GALNTL6: variants seen among roughly 807,000 people sequenced by gnomAD.
GALNTL6 encodes polypeptide N-acetylgalactosaminyltransferase like 6, also known as polypeptide N-acetylgalactosaminyltransferase-like 6.
A neutral mutation model predicts 73.7 loss-of-function variants in GALNTL6; 46 were observed. That is an observed-to-expected ratio of 0.62 (90% CI 0.49 to 0.80). The LOEUF is 0.80. Among genes scored for constraint, GALNTL6 ranks in the 30% least tolerant of loss-of-function variants. The pLI is 0.00. For missense variants in GALNTL6, 604 were observed against 755.0 expected, an observed-to-expected ratio of 0.80 and a Z score of 2.34; for synonymous variants, 259 against 263.7, an observed-to-expected ratio of 0.98 and a Z score of 0.17.
At chr4:172,346,291 C>G (rs911100332) in intron 4 of GALNTL6, among the ~76,000 whole-genome samples, 3 of 152,208 alleles carry the variant, frequency 2.0e-5, no homozygotes, top group South Asian at 2.1e-4. Context: ...TTTGACGTCT[C>G]AACAGTACAT....
intron 3 of GALNTL6, among the ~76,000 whole-genome samples, chr4:172,308,493 GAGGTATGTCCCTT>G (rs1457002328): frequency 6.6e-6 from 1 of 152,008 alleles, no homozygotes; most frequent in Non-Finnish European, 1.5e-5. Context: ...TTATTACCTT[GAGGTATGTCCCTT>G]CTATGCCAAT....
At chr4:172,145,031 C>T (rs750048229) in intron 2 of GALNTL6, among the ~76,000 whole-genome samples, 7 of 152,138 alleles carry the variant, frequency 4.6e-5, no homozygotes, top group Non-Finnish European at 8.8e-5. Context: ...GATCATGGCT[C>T]ACTGCAGTCT....
intron 12 of GALNTL6, among the ~76,000 whole-genome samples, chr4:173,022,537 A>AT (rs1333321773): frequency 1.3e-5 from 2 of 152,170 alleles, no homozygotes; most frequent in Non-Finnish European, 1.5e-5. Context: ...GCATCCATTC[A>AT]TTTTTTATGT....
chr4:172,872,263 C>T lies in GALNTL6; in HGVS notation c.924-10527C>T, dbSNP rs570128853. The stretch of plus-strand genomic sequence containing the variant: ...GGAAGCAATTATGTGATCGTCAGGG[C>T]GGGGGAGAAACTAATTTTTTTCCTC... On this transcript the variant is annotated intron_variant, in intron 7 of 12. Coordinates refer to ENST00000506823, the MANE Select transcript of GALNTL6 (RefSeq NM_001034845.3). Among the ~76,000 whole-genome samples, 66 of 152,156 alleles carry T rather than the reference C, an allele frequency of 4.3e-4. 1 individual carries two copies. Among genetic ancestry groups the T allele is most frequent in the Non-Finnish European group, 8.2e-4 (56 of 67,984 alleles).
intron 12 of GALNTL6, among the ~76,000 whole-genome samples, chr4:173,022,189 G>GGA (rs1753041510): frequency 3.0e-5 from 4 of 134,258 alleles, no homozygotes; most frequent in East Asian, 2.4e-4. Flanking sequence ...GGGAGGGAGG[G>GGA]AGGAAGGAAG....
intron 2 of GALNTL6, among the ~76,000 whole-genome samples, chr4:171,919,867 G>A (rs1436262986): frequency 1.3e-5 from 2 of 152,040 alleles, no homozygotes; most frequent in Non-Finnish European, 2.9e-5. Context: ...CAGGGATCTA[G>A]AACTAGAAAT....
At chr4:171,991,284 G>A (rs1740325967) in intron 2 of GALNTL6, among the ~76,000 whole-genome samples, 1 of 152,002 alleles carries the variant, frequency 6.6e-6, no homozygotes, top group Admixed American at 6.6e-5. Context: ...TGAATAGGAA[G>A]GTGTTAAAGC....
chr4:173,038,456 A>G (rs1391218639), intron 12 of GALNTL6, among the ~76,000 whole-genome samples: 4 of 152,102 alleles, frequency 2.6e-5, no homozygotes, highest in Admixed American at 6.5e-5. Flanking sequence ...GGGAGGAGAG[A>G]GTTTCTCAGA....
chr4:172,955,520 T>C (rs1161456866), intron 10 of GALNTL6, among the ~76,000 whole-genome samples: 1 of 152,104 alleles, frequency 6.6e-6, no homozygotes, highest in Non-Finnish European at 1.5e-5. Flanking sequence ...AGCAACTTAA[T>C]CTCTGACAAA....
chr4:172,145,575 C>T (rs2110748466), intron 2 of GALNTL6, among the ~76,000 whole-genome samples: 1 of 152,240 alleles, frequency 6.6e-6, no homozygotes, highest in Middle Eastern at 3.4e-3. Context: ...CTTCTCATAT[C>T]TCAGTCTCAA....
At chr4:172,756,569 C>T (rs574148690) in intron 5 of GALNTL6, among the ~76,000 whole-genome samples, 39 of 151,838 alleles carry the variant, frequency 2.6e-4, no homozygotes, top group African/African-American at 9.2e-4. Context: ...CGCTTGAACC[C>T]AGAAGGCCGA....
At chr4:171,947,371 T>C (rs1472188693) in intron 2 of GALNTL6, among the ~76,000 whole-genome samples, 1 of 152,152 alleles carries the variant, frequency 6.6e-6, no homozygotes, top group Non-Finnish European at 1.5e-5. Context: ...GGAAGAAACA[T>C]CTGCACTGAG....
chr4:171,959,547 T>TTA (rs918361447), intron 2 of GALNTL6, among the ~76,000 whole-genome samples: 25 of 151,092 alleles, frequency 1.7e-4, no homozygotes, highest in African/African-American at 5.4e-4. Flanking sequence ...CTTTTAGAAT[T>TTA]TGTATATACA....
intron 2 of GALNTL6, among the ~76,000 whole-genome samples, chr4:172,177,446 A>G (rs1371660510): frequency 6.6e-6 from 1 of 152,090 alleles, no homozygotes; most frequent in Non-Finnish European, 1.5e-5. Flanking sequence ...GAGTTTATCT[A>G]GATATTTTAC....
chr4:172,273,377 T>A (rs1428675933), intron 3 of GALNTL6, among the ~76,000 whole-genome samples: 2 of 152,184 alleles, frequency 1.3e-5, no homozygotes, highest in East Asian at 3.8e-4. Flanking sequence ...CTGACTCATT[T>A]TTTTGTGTAA....
intron 5 of GALNTL6, among the ~76,000 whole-genome samples, chr4:172,582,390 A>G (rs1433621033): frequency 6.6e-6 from 1 of 152,022 alleles, no homozygotes; most frequent in Admixed American, 6.6e-5. Context: ...GTATCCGAGG[A>G]TTGGTTCTAG....
chr4:172,303,086 G>T (rs1739998379), intron 3 of GALNTL6, among the ~76,000 whole-genome samples: 1 of 152,010 alleles, frequency 6.6e-6, no homozygotes, highest in African/African-American at 2.4e-5. Flanking sequence ...TACAACCTCT[G>T]CCGCCCAGGT....
intron 3 of GALNTL6, among the ~76,000 whole-genome samples, chr4:172,295,722 C>T (rs9997921): frequency 0.94 from 142,873 of 151,192 alleles, 68,010 homozygotes; most frequent in East Asian, 1. Flanking sequence ...AACACTCCCC[C>T]TCTACCCCTC....
chr4:172,890,629 T>C (rs1466201227), intron 8 of GALNTL6, among the ~76,000 whole-genome samples: 1 of 152,276 alleles, frequency 6.6e-6, no homozygotes, highest in East Asian at 1.9e-4. Flanking sequence ...TTGAGGTTAG[T>C]GTATGTTCCG....
Sources: allele counts gnomAD v4.1 joint callset (sites outside exome capture counted in the v4.1 genomes callset), GRCh38; gene constraint gnomAD v4.1.1; transcripts MANE v1.5; gene names NCBI Gene and HGNC (gene_info 2026-07-23, HGNC 2026-07-21).